Variants in USP44 observed in about 807,000 individuals in gnomAD.
USP44 encodes the protein ubiquitin specific peptidase 44, also known as ubiquitin carboxyl-terminal hydrolase 44.
In USP44, 61 loss-of-function variants were observed where a neutral mutation model predicts 69.0. The observed-to-expected ratio is 0.88, with a 90% CI of 0.72 to 1.09. The LOEUF is 1.09. Among genes scored for constraint, USP44 ranks in the 50% least tolerant of loss-of-function variants. The pLI, the probability that USP44 is intolerant of heterozygous loss-of-function variation, is 0.00. For synonymous variants in USP44, 297 were observed against 295.4 expected (o/e 1.01, Z -0.06); for missense variants, 753 against 849.9 (o/e 0.89, Z 1.42).
intron 3 of USP44, among the ~76,000 whole-genome samples, chr12:95,525,289 CT>C: frequency 6.6e-6 from 1 of 152,146 alleles, no homozygotes; most frequent in Non-Finnish European, 1.5e-5. Context: ...CCAGGCTGGT[CT>C]CGAACTCCTG....
rs765576508 is a variant in USP44, at chr12:95,517,433, T to TA, written c.*720dup. 9.2e-5 allele frequency: 14 copies of TA among 152,296 alleles called. No individual in the cohort carries two copies. Among genetic ancestry groups the TA allele is most frequent in the South Asian group, 4.1e-4 (2 of 4,822 alleles). The allele number at this position is 152,296 out of a possible 1,614,324, so 9.4% of individuals were successfully genotyped here. The stretch of plus-strand genomic sequence containing the variant: ...AGACTTTTTATGACTGCTTAATTAT[T>TA]AGACTTCTGGACAAACCTGTTTGCT... On this transcript the variant is annotated 3_prime_UTR_variant, in exon 6 of 6. Coordinates refer to ENST00000258499, the MANE Select transcript of USP44 (RefSeq NM_032147.5).
Position 95,533,319 on chromosome 12 carries a change from G to A in USP44, c.938C>T (p.Thr313Ile). 1 of 1,614,068 alleles carries A rather than the reference G, an allele frequency of 6.2e-7. No homozygotes were observed. ...ACAAGATCTTGTCTTCTCGCTAGCA[G>A]TCATAGCCAGCCATTGGTTCAGATC... ...KLDLNQWLAM[T>I]ASEKTRSCKH... is the part of the protein sequence containing the mutation. Residue 313 changes from threonine to isoleucine, a missense_variant, in exon 2 of 6, where the codon ACT (threonine) becomes ATT (isoleucine). Thr to Ile is a moderately conservative substitution (Grantham distance 89, BLOSUM62 -1). Transcript: ENST00000258499.
At chr12:95,536,375 A>G (rs553321903) in intron 1 of USP44, among the ~76,000 whole-genome samples, 46 of 151,912 alleles carry the variant, frequency 3.0e-4, no homozygotes, top group African/African-American at 1.1e-3. Context: ...CACATTTTAA[A>G]TTTACTCCTC....
intron 1 of USP44, among the ~76,000 whole-genome samples, chr12:95,536,290 G>A (rs1489015076): frequency 4.6e-5 from 7 of 151,904 alleles, no homozygotes; most frequent in South Asian, 2.1e-4. Flanking sequence ...TGATCTACCC[G>A]CCTAACCCTC....
chr12:95,534,961 G>A (rs1364983613), intron 1 of USP44, among the ~76,000 whole-genome samples: 3 of 152,162 alleles, frequency 2.0e-5, no homozygotes, highest in South Asian at 2.1e-4. Flanking sequence ...GATTACAGGC[G>A]TGAACCACTG....
intron 3 of USP44, among the ~76,000 whole-genome samples, chr12:95,527,773 C>T (rs2076893009): frequency 6.6e-6 from 1 of 152,048 alleles, no homozygotes; most frequent in African/African-American, 2.4e-5. Flanking sequence ...GCGTAAGCCA[C>T]CGCACCTGGC....
intron 1 of USP44, among the ~76,000 whole-genome samples, chr12:95,540,128 C>G (rs1462077245): frequency 2.6e-5 from 4 of 152,126 alleles, no homozygotes; most frequent in Admixed American, 2.6e-4. Flanking sequence ...GAGGTTTGAT[C>G]ATCAGTTCTA....
intron 1 of USP44, among the ~76,000 whole-genome samples, chr12:95,544,897 A>G (rs984951957): frequency 3.9e-5 from 6 of 152,158 alleles, no homozygotes; most frequent in Non-Finnish European, 5.9e-5. Context: ...AATTTTATCA[A>G]TATTAAGGTA....
chr12:95,546,527 C>T (rs1215454523), intron 1 of USP44: 2 of 152,262 alleles, frequency 1.3e-5, no homozygotes, highest in Non-Finnish European at 2.9e-5. Context: ...AACTGTCCCC[C>T]GTTACTGAAT....
Position 95,521,000 on chromosome 12 carries a change from C to A in USP44, c.1936G>T (p.Gly646Ter). The change falls in exon 5 of 6, where the codon GGA (glycine) becomes TGA (stop). Residue 646 changes from glycine (G) to a stop codon, truncating the protein, a stop_gained. Transcript: ENST00000258499. LOFTEE classifies it high-confidence loss of function. ...HYTAYCYNSE[G>*]GFWVHCNDSK... ...AAATACTTTTTCTTATCTATACCTC[C>A]TTCAGAATTATAGCAGTAGGCAGTG... 1 of 1,614,026 alleles carries A rather than the reference C, an allele frequency of 6.2e-7. No individual in the cohort carries two copies. The highest frequency in any genetic ancestry group is 8.5e-7 in the Non-Finnish European group (1 of 1,179,898).
intron 2 of USP44, among the ~76,000 whole-genome samples, chr12:95,529,781 A>T (rs751445419): frequency 1.3e-5 from 2 of 151,962 alleles, no homozygotes; most frequent in Admixed American, 6.6e-5. Flanking sequence ...TCTTAACCCA[A>T]TCCAATCTTA....
At chr12:95,521,281 A>G in intron 4 of USP44, 79 bp from the exon 5 acceptor site, 1 of 1,286,816 alleles carries the variant, frequency 7.8e-7, no homozygotes, top group African/African-American at 1.5e-5. Context: ...CTTGTAACAG[A>G]TGACCCCAGG....
In USP44 at chr12:95,534,021, C is replaced by T; in HGVS notation, c.236G>A (p.Cys79Tyr). The T allele has an allele frequency of 6.2e-7, 1 of 1,614,000 alleles. No individual in the cohort carries two copies. The highest frequency in any genetic ancestry group is 1.1e-5 in the South Asian group (1 of 91,066). The part of the protein sequence containing the change: ...ALEVNEMYVF[C>Y]YLCDDYVLND... ...CAGAACATAATCATCACAAAGGTAA[C>T]AAAAAACGTACATCTCATTCACCTC... is the stretch of plus-strand genomic sequence containing the variant. The change falls in exon 2 of 6, where the codon TGT becomes TAT. Residue 79 changes from cysteine (C) to tyrosine (Y), a missense_variant. By Grantham distance (194) the Cys-to-Tyr change is radical. Coordinates refer to ENST00000258499, the MANE Select transcript of USP44 (RefSeq NM_032147.5).
Position 95,524,761 on chromosome 12 carries a change from G to A in USP44, c.1652C>T (p.Pro551Leu). The stretch of plus-strand genomic sequence containing the variant: ...TTTCTGGGCTTCTGTGAGTACAACT[G>A]GTTTGGAGGAAAACCTTCTACGCTT... ...NSKRRRFSSK[P>L]VVLTEAQKQL... Residue 551 changes from proline (P) to leucine (L), a missense_variant, in exon 4 of 6, where the codon CCA (proline) becomes CTA (leucine). Coordinates refer to ENST00000258499, the MANE Select transcript of USP44 (RefSeq NM_032147.5). The A allele has an allele frequency of 1.2e-6, 2 of 1,611,124 alleles. No individual in the cohort carries two copies. The highest frequency in any genetic ancestry group is 2.2e-5 in the East Asian group (1 of 44,782).
chr12:95,544,738 G>T (rs1386661309), intron 1 of USP44, among the ~76,000 whole-genome samples: 1 of 151,762 alleles, frequency 6.6e-6, no homozygotes, highest in East Asian at 1.9e-4. Flanking sequence ...GAAAAATAAA[G>T]AAAAAAAGAA....
intron 2 of USP44, among the ~76,000 whole-genome samples, chr12:95,529,915 A>G (rs1040639546): frequency 2.0e-5 from 3 of 152,364 alleles, no homozygotes; most frequent in East Asian, 3.9e-4. Context: ...TAAAGCAAAC[A>G]TAACATTAAA....
intron 1 of USP44, 45 bp downstream of exon 1, chr12:95,551,227 G>A (rs926348644): frequency 2.6e-5 from 4 of 151,794 alleles, no homozygotes; most frequent in African/African-American, 9.7e-5. Flanking sequence ...AAAGAAAAAA[G>A]CCTCCTTCCC....
At chr12:95,530,686 GATAGATAT>G (rs1003312388) in intron 2 of USP44, among the ~76,000 whole-genome samples, 8 of 146,584 alleles carry the variant, frequency 5.5e-5, no homozygotes, top group African/African-American at 2.0e-4. Flanking sequence ...TAGATAGATA[GATAGATAT>G]AAAAGAAAAA....
intron 1 of USP44, among the ~76,000 whole-genome samples, chr12:95,541,330 T>C (rs2077382510): frequency 6.6e-6 from 1 of 152,060 alleles, no homozygotes; most frequent in African/African-American, 2.4e-5. Flanking sequence ...ATGCTCAGAA[T>C]ACAAAGTCCT....
Sources: allele counts gnomAD v4.1 joint callset (sites outside exome capture counted in the v4.1 genomes callset), GRCh38; gene constraint gnomAD v4.1.1; transcripts MANE v1.5; gene names NCBI Gene and HGNC (gene_info 2026-07-23, HGNC 2026-07-21).